Variants in FBXO42 observed in about 807,000 individuals in gnomAD.
FBXO42 encodes F-box protein 42, also known as F-box only protein 42.
In FBXO42, 12 loss-of-function variants were observed where a neutral mutation model predicts 71.7. The observed-to-expected ratio is 0.17, with a 90% CI of 0.11 to 0.27. FBXO42 has a LOEUF of 0.27. Among genes scored for constraint, FBXO42 ranks in the 10% least tolerant of loss-of-function variants. The pLI, the probability that FBXO42 is intolerant of heterozygous loss-of-function variation, is 1.00. For missense variants in FBXO42, 707 were observed against 911.9 expected (o/e 0.78, Z 2.89); for synonymous variants, 325 against 327.5 (o/e 0.99, Z 0.08).
chr1:16,298,183 G>A (rs2082152254), intron 3 of FBXO42, among the ~76,000 whole-genome samples: 1 of 152,236 alleles, frequency 6.6e-6, no homozygotes, highest in African/African-American at 2.4e-5. Flanking sequence ...CTGAGATTGC[G>A]CCACTGCACC....
chr1:16,263,418 G>T (rs1449408829), intron 4 of FBXO42, among the ~76,000 whole-genome samples: 1 of 151,980 alleles, frequency 6.6e-6, no homozygotes, highest in Non-Finnish European at 1.5e-5. Context: ...ACTCCAGCCT[G>T]GGTGGCAGAG....
intron 4 of FBXO42, among the ~76,000 whole-genome samples, chr1:16,268,768 A>G (rs2081804848): frequency 6.6e-6 from 1 of 152,150 alleles, no homozygotes; most frequent in African/African-American, 2.4e-5. Context: ...GTTCAAGATC[A>G]GCCTGACCAA....
At position 16,249,237 on chromosome 1, in the gene FBXO42, A is replaced by T. The variant is rs1444070732; in HGVS notation, c.*1433T>A. 2 of 152,240 alleles carry T rather than the reference A, an allele frequency of 1.3e-5. No homozygotes were observed. The highest frequency in any genetic ancestry group is 4.8e-5 in the African/African-American group (2 of 41,470). The allele number at this position is 152,240 out of a possible 1,614,324, so 9.4% of individuals were successfully genotyped here. A position where few individuals can be genotyped will look rare whatever the true frequency, so the allele number is the denominator to read the frequency against. ...ATCTCCTATGCCCAGGCCATGGTTGAGACTAGTAACTTTCTGTATCAAGCA... is the reference window on the plus strand; with the variant it reads ...ATCTCCTATGCCCAGGCCATGGTTGTGACTAGTAACTTTCTGTATCAAGCA... On this transcript the variant is annotated 3_prime_UTR_variant, in exon 10 of 10. Transcript: ENST00000375592.
chr1:16,254,916 C>A (rs1297792196), intron 6 of FBXO42, among the ~76,000 whole-genome samples: 1 of 152,224 alleles, frequency 6.6e-6, no homozygotes, highest in Non-Finnish European at 1.5e-5. Context: ...CACAACCCAT[C>A]CCATTTGTTT....
intron 1 of FBXO42, among the ~76,000 whole-genome samples, chr1:16,320,189 G>A (rs1206583678): frequency 4.0e-5 from 6 of 151,354 alleles, no homozygotes; most frequent in East Asian, 2.0e-4. Flanking sequence ...GTGAAACCCC[G>A]TCTCTACTAA....
intron 1 of FBXO42, among the ~76,000 whole-genome samples, chr1:16,348,474 G>T (rs998512833): frequency 6.6e-6 from 1 of 152,042 alleles, no homozygotes; most frequent in Non-Finnish European, 1.5e-5. Flanking sequence ...AAAGGTGGGC[G>T]GATCACATGG....
chr1:16,276,951 A>C (rs1340415796), intron 4 of FBXO42, among the ~76,000 whole-genome samples: 5 of 152,254 alleles, frequency 3.3e-5, no homozygotes, highest in Admixed American at 6.5e-5. Flanking sequence ...AGAATAGAAA[A>C]GTCTCATGAG....
At chr1:16,324,433 A>G (rs1237134620) in intron 1 of FBXO42, among the ~76,000 whole-genome samples, 2 of 152,200 alleles carry the variant, frequency 1.3e-5, no homozygotes, top group Non-Finnish European at 2.9e-5. Flanking sequence ...TATGAGACAA[A>G]ACAAGAAGCC....
At chr1:16,271,030 T>G (rs2081838121) in intron 4 of FBXO42, among the ~76,000 whole-genome samples, 1 of 151,544 alleles carries the variant, frequency 6.6e-6, no homozygotes, top group Non-Finnish European at 1.5e-5. Context: ...GAGGGAGACA[T>G]ATGAATAAAG....
chr1:16,322,877 C>A (rs111790937), intron 1 of FBXO42, among the ~76,000 whole-genome samples: 1 of 152,142 alleles, frequency 6.6e-6, no homozygotes, highest in African/African-American at 2.4e-5. Context: ...AAATCCGTAA[C>A]CTAGAAAGAA....
At position 16,314,983 on chromosome 1, in the gene FBXO42, G is replaced by A. The variant is rs538478799; in HGVS notation, c.250+186C>T. 1.7e-3 allele frequency among the ~76,000 whole-genome samples: 258 copies of A among 152,136 alleles called. 1 individual carries two copies. The highest frequency in any genetic ancestry group is 5.6e-3 in the African/African-American group (234 of 41,518). Reference sequence around the variant, plus strand: ...TCATTTTAAAATGCAAATGGGATTAGATACTTCAGTATTCAAGCTGTTCAT... The same window carrying A: ...TCATTTTAAAATGCAAATGGGATTAAATACTTCAGTATTCAAGCTGTTCAT... On this transcript the variant is annotated intron_variant, in intron 2 of 9. Transcript: ENST00000375592.
intron 4 of FBXO42, among the ~76,000 whole-genome samples, chr1:16,288,046 T>C (rs889572737): frequency 2.6e-5 from 4 of 152,060 alleles, no homozygotes; most frequent in Non-Finnish European, 4.4e-5. Flanking sequence ...CTTGGGAGGC[T>C]GAAGCAGGAG....
chr1:16,333,342 G>A (rs1569937373), intron 1 of FBXO42, among the ~76,000 whole-genome samples: 1 of 152,066 alleles, frequency 6.6e-6, no homozygotes, highest in South Asian at 2.1e-4. Context: ...GCCAGGAGTG[G>A]TGGCTTATGC....
At position 16,350,757 on chromosome 1, in the gene FBXO42, A is replaced by AAG. The variant is rs1553156685; in HGVS notation, c.-18+1497_-18+1498insCT. Among the ~76,000 whole-genome samples the AAG allele has an allele frequency of 8.2e-3, 363 of 44,286 alleles. 2 individuals carry two copies. The highest frequency in any genetic ancestry group is 0.014 in the Middle Eastern group (1 of 74). The allele number at this position is 44,286 out of a possible 152,430, so 29.1% of individuals were successfully genotyped here. A position where few individuals can be genotyped will look rare whatever the true frequency, so the allele number is the denominator to read the frequency against. ...GTGAGAAACTGCAAAAAAAAAAAAA[A>AAG]AAAGAAAGAAAGAAAGAAAGAAAGA... On this transcript the variant is annotated intron_variant, in intron 1 of 9. Transcript: ENST00000375592.
chr1:16,301,523 C>T (rs373245780), intron 3 of FBXO42, among the ~76,000 whole-genome samples: 175 of 151,712 alleles, frequency 1.2e-3, no homozygotes, highest in African/African-American at 4.1e-3. Context: ...ATTAGCTGCG[C>T]GTGGTGGCAG....
chr1:16,262,165 A>G (rs923847585), intron 4 of FBXO42, among the ~76,000 whole-genome samples: 1 of 152,178 alleles, frequency 6.6e-6, no homozygotes, highest in Admixed American at 6.6e-5. Context: ...AAAAATCTAC[A>G]TATTTCATAT....
chr1:16,300,252 A>G (rs2082177207), intron 3 of FBXO42, among the ~76,000 whole-genome samples: 1 of 152,220 alleles, frequency 6.6e-6, no homozygotes. Context: ...GAGAGTGTCT[A>G]TTCCAACTGG....
Position 16,247,545 on chromosome 1 carries a change from TCCTC to T in FBXO42, c.*3121_*3124del, listed in dbSNP as rs776446272. On this transcript the variant is annotated 3_prime_UTR_variant, in exon 10 of 10. Transcript: ENST00000375592. ...TTCTTAAGTTGGTTTTCTTTCTTCC[TCCTC>T]CTCCTCCTCTTTTCTTTATTTTAAA... The T allele has an allele frequency of 8.5e-5, 13 of 152,058 alleles. No homozygotes were observed. The highest frequency in any genetic ancestry group is 2.4e-4 in the African/African-American group (10 of 41,392). The allele number at this position is 152,058 out of a possible 1,614,324, so 9.4% of individuals were successfully genotyped here.
At position 16,312,696 on chromosome 1, in the gene FBXO42, A is replaced by G. The variant is rs377117212; in HGVS notation, c.250+2473T>C. Among the ~76,000 whole-genome samples, 8 of 152,320 alleles carry G rather than the reference A, an allele frequency of 5.3e-5. No individual in the cohort carries two copies. In the East Asian group the frequency reaches 1.5e-3, roughly 29 times the overall value. ...TTATGGAATGTTTCAGTATAGGTTCATCAATTTTAACACATGTACCACTCT... is the reference window on the plus strand; with the variant it reads ...TTATGGAATGTTTCAGTATAGGTTCGTCAATTTTAACACATGTACCACTCT... On this transcript the variant is annotated intron_variant, in intron 2 of 9. Transcript: ENST00000375592.
Sources: gnomAD v4.1 joint callset for allele counts (sites outside exome capture counted in the v4.1 genomes callset) on GRCh38, gnomAD v4.1.1 for gene constraint, MANE v1.5 for transcripts, NCBI Gene and HGNC (gene_info 2026-07-23, HGNC 2026-07-21) for gene names.